OR5K1: variants seen among roughly 807,000 people sequenced by gnomAD.
OR5K1 encodes the protein olfactory receptor family 5 subfamily K member 1, also known as olfactory receptor 5K1.
A neutral mutation model predicts 10.4 loss-of-function variants in OR5K1; 7 were observed. That is an observed-to-expected ratio of 0.67 (90% CI 0.38 to 1.26). OR5K1 has a LOEUF of 1.26. Among genes scored for constraint, OR5K1 ranks in the 50% most tolerant of loss-of-function variants. The pLI, the probability that OR5K1 is intolerant of heterozygous loss-of-function variation, is 0.02. For synonymous variants in OR5K1, 135 were observed against 128.5 expected (o/e 1.05, Z -0.34); for missense variants, 435 against 366.2 (o/e 1.19, Z -1.53).
chr3:98,471,463 T>A lies in OR5K1; in HGVS notation c.*960T>A, dbSNP rs1705446638. 6.6e-6 allele frequency: 1 copy of A among 152,016 alleles called. No individual in the cohort carries two copies. Among genetic ancestry groups the A allele is most frequent in the Non-Finnish European group, 1.5e-5 (1 of 67,950 alleles). 9.4% of individuals were successfully genotyped at this position (152,016 alleles called of 1,614,324 possible). A position where few individuals can be genotyped will look rare whatever the true frequency, so the allele number is the denominator to read the frequency against. Reference sequence around the variant, plus strand: ...GTTGGTATTGTGGGTAGAGTAATGATCTTAATGTGATATCATTTTAAAAAT... The same window carrying A: ...GTTGGTATTGTGGGTAGAGTAATGAACTTAATGTGATATCATTTTAAAAAT... On this transcript the variant is annotated 3_prime_UTR_variant, in exon 2 of 2. Transcript: ENST00000642057.
At position 98,470,956 on chromosome 3, in the gene OR5K1, C is replaced by T. The variant is rs1705440031; in HGVS notation, c.*453C>T. On this transcript the variant is annotated 3_prime_UTR_variant, in exon 2 of 2. Coordinates refer to ENST00000642057, the MANE Select transcript of OR5K1 (RefSeq NM_001004736.4). ...ATATGATGGTCAACCAGTAAAATCA[C>T]TTACATCCATGAGCAACAAAATTGT... is the stretch of plus-strand genomic sequence containing the variant. The T allele has an allele frequency of 6.6e-6, 1 of 152,626 alleles. No individual in the cohort carries two copies. Among genetic ancestry groups the T allele is most frequent in the Admixed American group, 6.6e-5 (1 of 15,238 alleles). The allele number at this position is 152,626 out of a possible 1,614,324, so 9.5% of individuals were successfully genotyped here.
rs1169943419 is a variant in OR5K1 at position 98,469,567 on chromosome 3, C to T, written c.-10C>T. 1 of 1,592,352 alleles carries T rather than the reference C, an allele frequency of 6.3e-7. No individual in the cohort carries two copies. The highest frequency in any genetic ancestry group is 8.6e-7 in the Non-Finnish European group (1 of 1,169,198). On this transcript the variant is annotated splice_region_variant and 5_prime_UTR_variant, in exon 2 of 2. Coordinates refer to ENST00000642057, the MANE Select transcript of OR5K1 (RefSeq NM_001004736.4). ...TCTTTCTCCACAATTTTTTTTCAGACAAGTCAGGAATGGCTGAAGAAAATC... is the reference window on the plus strand; with the variant it reads ...TCTTTCTCCACAATTTTTTTTCAGATAAGTCAGGAATGGCTGAAGAAAATC...
Position 98,471,358 on chromosome 3 carries a change from G to A in OR5K1, c.*855G>A, listed in dbSNP as rs1371939804. 1 of 151,976 alleles carries A rather than the reference G, an allele frequency of 6.6e-6. No homozygotes were observed. Among genetic ancestry groups the A allele is most frequent in the East Asian group, 1.9e-4 (1 of 5,160 alleles). The allele number at this position is 151,976 out of a possible 1,614,324, so 9.4% of individuals were successfully genotyped here. ...CACTACCCTGGGTATATTATATATA[G>A]AAATGTAAAACATAGTGTTGTTAAA... On this transcript the variant is annotated 3_prime_UTR_variant, in exon 2 of 2. Coordinates refer to ENST00000642057, the MANE Select transcript of OR5K1 (RefSeq NM_001004736.4).
intron 1 of OR5K1, 110 bp from the exon 2 acceptor site, chr3:98,469,455 CA>C: frequency 1.9e-6 from 2 of 1,027,022 alleles, no homozygotes; most frequent in South Asian, 3.3e-5. Context: ...AAAGTCCAGG[CA>C]ACATGAGGAA....
intron 1 of OR5K1, among the ~76,000 whole-genome samples, chr3:98,465,060 G>A (rs1211650132): frequency 6.6e-6 from 1 of 152,110 alleles, no homozygotes; most frequent in African/African-American, 2.4e-5. Context: ...TGAAGCAATA[G>A]CCATTGCAGA....
At position 98,469,932 on chromosome 3, in the gene OR5K1, C is replaced by T. The variant is rs1435194507; in HGVS notation, c.356C>T (p.Ala119Val). 3.1e-6 allele frequency: 5 copies of T among 1,613,618 alleles called. No homozygotes were observed. The highest frequency in any genetic ancestry group is 4.2e-6 in the Non-Finnish European group (5 of 1,179,806). Residue 119 changes from alanine (A) to valine (V), a missense_variant, in exon 2 of 2, where the codon GCC becomes GTC. Ala to Val is a moderately conservative substitution (Grantham distance 64). Coordinates refer to ENST00000642057, the MANE Select transcript of OR5K1 (RefSeq NM_001004736.4). ...TADCFLLAAM[A>V]YDRYVAICNP... ...GACTGCTTTCTTCTGGCAGCAATGGCCTATGACCGCTATGTGGCCATATGC... is the reference window on the plus strand; with the variant it reads ...GACTGCTTTCTTCTGGCAGCAATGGTCTATGACCGCTATGTGGCCATATGC...
rs1705415572 is a variant in OR5K1, at chr3:98,469,563, C to A, written c.-11-3C>A. On this transcript the variant is annotated splice_region_variant and splice_polypyrimidine_tract_variant and intron_variant, in intron 1 of 1. Coordinates refer to ENST00000642057, the MANE Select transcript of OR5K1 (RefSeq NM_001004736.4). ...GCCTTCTTTCTCCACAATTTTTTTT[C>A]AGACAAGTCAGGAATGGCTGAAGAA... The A allele has an allele frequency of 1.1e-5, 17 of 1,588,718 alleles. No individual in the cohort carries two copies. Among genetic ancestry groups the A allele is most frequent in the Non-Finnish European group, 1.5e-5 (17 of 1,167,892 alleles).
rs1393903357 is a variant in OR5K1 at position 98,470,115 on chromosome 3, A to G, written c.539A>G (p.Asp180Gly). The stretch of plus-strand genomic sequence containing the variant: ...AATCACATCAACCACTTTTACTGTG[A>G]TATTCTTCCCTTGTATAGACTCTCT... ...GSNHINHFYC[D>G]ILPLYRLSCV... The change falls in exon 2 of 2, where the codon GAT becomes GGT. Residue 180 changes from aspartate to glycine, a missense_variant. Transcript: ENST00000642057. 6.2e-7 allele frequency: 1 copy of G among 1,613,472 alleles called. No homozygotes were observed. The highest frequency in any genetic ancestry group is 1.3e-5 in the African/African-American group (1 of 74,852).
At chr3:98,463,987 G>A (rs111600603) in intron 1 of OR5K1, among the ~76,000 whole-genome samples, 11 of 152,238 alleles carry the variant, frequency 7.2e-5, no homozygotes, top group African/African-American at 2.6e-4. Flanking sequence ...AGGTGCAGTG[G>A]CTCATGCCTG....
At chr3:98,468,385 A>C (rs545154648) in intron 1 of OR5K1, among the ~76,000 whole-genome samples, 1 of 152,274 alleles carries the variant, frequency 6.6e-6, no homozygotes, top group East Asian at 1.9e-4. Context: ...CAATAGAATT[A>C]AATACATTTG....
At position 98,470,043 on chromosome 3, in the gene OR5K1, C is replaced by G; in HGVS notation, c.467C>G (p.Ser156Cys). The G allele has an allele frequency of 1.2e-6, 2 of 1,613,636 alleles. No individual in the cohort carries two copies. Among genetic ancestry groups the G allele is most frequent in the Non-Finnish European group, 1.7e-6 (2 of 1,179,736 alleles). ...TGAFIAGNLH[S>C]MIHVGLVFRL... Reference sequence around the variant, plus strand: ...GCCTTCATAGCTGGAAACCTGCATTCCATGATTCATGTAGGGCTTGTATTT... The same window carrying G: ...GCCTTCATAGCTGGAAACCTGCATTGCATGATTCATGTAGGGCTTGTATTT... The change falls in exon 2 of 2, where the codon TCC becomes TGC. Residue 156 changes from serine to cysteine, a missense_variant. Transcript: ENST00000642057.
intron 1 of OR5K1, among the ~76,000 whole-genome samples, chr3:98,463,975 C>G (rs1379957229): frequency 6.6e-6 from 1 of 152,140 alleles, no homozygotes; most frequent in Non-Finnish European, 1.5e-5. Flanking sequence ...GGTACATCAG[C>G]CAGGTGCAGT....
intron 1 of OR5K1, among the ~76,000 whole-genome samples, chr3:98,465,113 T>C (rs1187587329): frequency 3.9e-5 from 6 of 152,190 alleles, no homozygotes; most frequent in Non-Finnish European, 8.8e-5. Flanking sequence ...CGAAAAATAA[T>C]TGACCTCTAA....
At chr3:98,465,604 T>C (rs77786688) in intron 1 of OR5K1, among the ~76,000 whole-genome samples, 10,375 of 152,240 alleles carry the variant, frequency 0.068, 440 homozygotes, top group South Asian at 0.18. Context: ...CATTTCTTTT[T>C]AAAAACATCT....
intron 1 of OR5K1, among the ~76,000 whole-genome samples, chr3:98,465,166 T>G (rs917080427): frequency 1.3e-5 from 2 of 152,224 alleles, no homozygotes; most frequent in Admixed American, 6.5e-5. Context: ...TGATGTATTG[T>G]CATGCTACTT....
intron 1 of OR5K1, among the ~76,000 whole-genome samples, chr3:98,469,260 C>T (rs547484963): frequency 9.2e-5 from 14 of 152,032 alleles, no homozygotes; most frequent in Middle Eastern, 3.4e-3. Context: ...AAGAATGGAA[C>T]GACAGACAGT....
chr3:98,466,036 T>G (rs1705371204), intron 1 of OR5K1, among the ~76,000 whole-genome samples: 1 of 152,006 alleles, frequency 6.6e-6, no homozygotes, highest in African/African-American at 2.4e-5. Context: ...CTCCCAATGC[T>G]ATCCCTCCCC....
chr3:98,469,797 C>T lies in OR5K1; in HGVS notation c.221C>T (p.Ala74Val), dbSNP rs1265276467. ...GNLALVDSCC[A>V]CAITPKMLEN... is the part of the protein sequence containing the mutation. ...CTGGCTCTTGTGGATTCTTGCTGTGCCTGTGCTATTACCCCCAAAATGTTA... is the reference window on the plus strand; with the variant it reads ...CTGGCTCTTGTGGATTCTTGCTGTGTCTGTGCTATTACCCCCAAAATGTTA... Residue 74 changes from alanine (A) to valine (V), a missense_variant, in exon 2 of 2, where the codon GCC becomes GTC. Coordinates refer to ENST00000642057, the MANE Select transcript of OR5K1 (RefSeq NM_001004736.4). The T allele has an allele frequency of 6.2e-7, 1 of 1,613,702 alleles. No homozygotes were observed. Among genetic ancestry groups the T allele is most frequent in the African/African-American group, 1.3e-5 (1 of 74,990 alleles).
chr3:98,470,293 T>G lies in OR5K1; in HGVS notation c.717T>G (p.Ser239=), dbSNP rs771220349. The G allele has an allele frequency of 6.2e-7, 1 of 1,613,372 alleles. No homozygotes were observed. The highest frequency in any genetic ancestry group is 8.5e-7 in the Non-Finnish European group (1 of 1,179,606). ...AAGAGGGAAGGGCCAAAGCTTTTTC[T>G]ACCTGTGCATCCCACTTTTTGTCAG... ...KSKEGRAKAF[S]TCASHFLSVS... is the part of the protein sequence containing the mutation. Residue 239 remains serine (S), a synonymous_variant, in exon 2 of 2, where the codon TCT becomes TCG. Transcript: ENST00000642057.
Sources: allele counts gnomAD v4.1 joint callset (sites outside exome capture counted in the v4.1 genomes callset), GRCh38; gene constraint gnomAD v4.1.1; transcripts MANE v1.5; gene names NCBI Gene and HGNC (gene_info 2026-07-23, HGNC 2026-07-21).